The following WBP1L variants were observed in gnomAD, a reference collection of about 807,000 sequenced individuals.
WBP1L encodes WW domain binding protein 1-like.
In WBP1L, 17 loss-of-function variants were observed where a neutral mutation model predicts 33.7. That is an observed-to-expected ratio of 0.50 (90% CI 0.34 to 0.76). WBP1L has a LOEUF of 0.76. Ranked by LOEUF, WBP1L falls within the 30% of genes least tolerant of loss-of-function variation. The pLI is 0.01. For missense variants in WBP1L, 389 were observed against 469.4 expected (o/e 0.83, Z 1.58); for synonymous variants, 173 against 190.8 (o/e 0.91, Z 0.77).
chr10:102,769,469 C>G (rs1328613373), intron 1 of WBP1L, among the ~76,000 whole-genome samples: 2 of 151,162 alleles, frequency 1.3e-5, no homozygotes, highest in African/African-American at 4.9e-5. Flanking sequence ...TCATAGAGTG[C>G]GTATGTTTGT....
intron 1 of WBP1L, among the ~76,000 whole-genome samples, chr10:102,781,903 T>C (rs1381714091): frequency 2.7e-5 from 4 of 150,216 alleles, no homozygotes; most frequent in Admixed American, 2.6e-4. Flanking sequence ...AGTCTCGCTC[T>C]TGCTCTGTCA....
intron 1 of WBP1L, among the ~76,000 whole-genome samples, chr10:102,783,414 C>T (rs918330869): frequency 3.3e-5 from 5 of 152,148 alleles, no homozygotes; most frequent in East Asian, 1.9e-4. Context: ...CTTGACTCAG[C>T]GGTCGCTAGG....
chr10:102,753,785 G>T (rs1007673612), intron 1 of WBP1L, among the ~76,000 whole-genome samples: 7 of 152,156 alleles, frequency 4.6e-5, no homozygotes, highest in Non-Finnish European at 8.8e-5. Context: ...AAAAATAAAT[G>T]TAAGATGTTA....
intron 1 of WBP1L, among the ~76,000 whole-genome samples, chr10:102,789,829 G>A (rs933542325): frequency 4.1e-5 from 6 of 145,966 alleles, no homozygotes; most frequent in African/African-American, 5.1e-5. Flanking sequence ...TGCAACCCCC[G>A]CCTCTCAGGT....
At chr10:102,778,786 A>T (rs1843298785) in intron 1 of WBP1L, among the ~76,000 whole-genome samples, 1 of 152,248 alleles carries the variant, frequency 6.6e-6, no homozygotes, top group Non-Finnish European at 1.5e-5. Flanking sequence ...AAAATGACAC[A>T]TAATGCACAC....
intron 1 of WBP1L, among the ~76,000 whole-genome samples, chr10:102,791,894 T>C (rs1288579709): frequency 6.6e-6 from 1 of 152,224 alleles, no homozygotes; most frequent in Non-Finnish European, 1.5e-5. Flanking sequence ...GAAACATTAC[T>C]GCCCAGTGTG....
At chr10:102,780,122 G>A (rs991337140) in intron 1 of WBP1L, among the ~76,000 whole-genome samples, 1 of 152,154 alleles carries the variant, frequency 6.6e-6, no homozygotes. Context: ...AGCATGGCAT[G>A]ATTTCAGTGT....
chr10:102,778,680 A>G (rs1260381590), intron 1 of WBP1L, among the ~76,000 whole-genome samples: 1 of 152,182 alleles, frequency 6.6e-6, no homozygotes, highest in African/African-American at 2.4e-5. Flanking sequence ...CATATTTTGT[A>G]TATTTCTAGT....
At chr10:102,756,279 G>A (rs1055640864) in intron 1 of WBP1L, among the ~76,000 whole-genome samples, 2 of 151,974 alleles carry the variant, frequency 1.3e-5, no homozygotes, top group Admixed American at 6.6e-5. Flanking sequence ...GCATGGTGGC[G>A]CATGGCTGTA....
chr10:102,757,522 A>G (rs1257872805), intron 1 of WBP1L, among the ~76,000 whole-genome samples: 6 of 145,334 alleles, frequency 4.1e-5, no homozygotes, highest in Admixed American at 1.4e-4. Context: ...TCTGTCCCCA[A>G]CCTCCATTTG....
chr10:102,797,127 AG>A (rs1843583961), intron 1 of WBP1L, among the ~76,000 whole-genome samples: 1 of 152,232 alleles, frequency 6.6e-6, no homozygotes, highest in African/African-American at 2.4e-5. Context: ...TTTATTGAAA[AG>A]TAAAGAATTT....
At chr10:102,761,850 T>A (rs1304333712) in intron 1 of WBP1L, among the ~76,000 whole-genome samples, 1 of 151,346 alleles carries the variant, frequency 6.6e-6, no homozygotes, top group Non-Finnish European at 1.5e-5. Flanking sequence ...TGCCAGGCCT[T>A]TAATGTTTAA....
intron 1 of WBP1L, among the ~76,000 whole-genome samples, chr10:102,770,820 C>G (rs888964581): frequency 1.3e-5 from 2 of 152,206 alleles, no homozygotes; most frequent in Admixed American, 6.5e-5. Flanking sequence ...TTAACATTCA[C>G]CTGACCCTCA....
At chr10:102,804,711 C>A (rs1843707618) in intron 2 of WBP1L, among the ~76,000 whole-genome samples, 1 of 152,194 alleles carries the variant, frequency 6.6e-6, no homozygotes, top group Admixed American at 6.5e-5. Flanking sequence ...AAATCACCAT[C>A]TGGGATGTTG....
In WBP1L at chr10:102,815,126, G is replaced by C. The variant is rs1189014558; in HGVS notation, c.*1795G>C. On this transcript the variant is annotated 3_prime_UTR_variant, in exon 4 of 4. Transcript: ENST00000448841. ...AACCACACGTCTGGAGCACAGACAG[G>C]CCTCTCAAGGTCATTGATCTTACGC... 2 of 152,608 alleles carry C rather than the reference G, an allele frequency of 1.3e-5. No individual in the cohort carries two copies. Among genetic ancestry groups the C allele is most frequent in the African/African-American group, 2.4e-5 (1 of 41,426 alleles). 9.5% of individuals were successfully genotyped at this position (152,608 alleles called of 1,614,324 possible).
chr10:102,785,921 T>A (rs891258042), intron 1 of WBP1L, among the ~76,000 whole-genome samples: 2 of 152,304 alleles, frequency 1.3e-5, no homozygotes, highest in Non-Finnish European at 2.9e-5. Context: ...CCTGCCAGAC[T>A]CCACAGGCCT....
At chr10:102,794,278 G>A (rs1011461502) in intron 1 of WBP1L, among the ~76,000 whole-genome samples, 4 of 152,164 alleles carry the variant, frequency 2.6e-5, no homozygotes, top group African/African-American at 7.2e-5. Context: ...AGGCTGCTAT[G>A]TCAGGGTGGA....
chr10:102,804,329 A>C (rs1225392548), intron 2 of WBP1L, among the ~76,000 whole-genome samples: 1 of 144,644 alleles, frequency 6.9e-6, no homozygotes, highest in African/African-American at 2.6e-5. Context: ...CGGAGGTTGC[A>C]GTGAGCCGAG....
At chr10:102,800,604 C>T (rs1843642734) in intron 2 of WBP1L, among the ~76,000 whole-genome samples, 1 of 152,218 alleles carries the variant, frequency 6.6e-6, no homozygotes, top group African/African-American at 2.4e-5. Context: ...GTTAAATGAG[C>T]TGGCATGTGT....
Sources: gnomAD v4.1 joint callset for allele counts (sites outside exome capture counted in the v4.1 genomes callset) on GRCh38, gnomAD v4.1.1 for gene constraint, MANE v1.5 for transcripts, NCBI Gene and HGNC (gene_info 2026-07-23, HGNC 2026-07-21) for gene names.